RNF38: variants seen among roughly 807,000 people sequenced by gnomAD.
RNF38 encodes ring finger protein 38.
RNF38 carries 15 observed loss-of-function variants against 67.2 expected under a neutral mutation model. The observed-to-expected ratio is 0.22, with a 90% CI of 0.15 to 0.34. RNF38 has a LOEUF of 0.34. Ranked by LOEUF, RNF38 falls within the 10% of genes least tolerant of loss-of-function variation. The pLI, the probability that RNF38 is intolerant of heterozygous loss-of-function variation, is 1.00. For missense variants in RNF38, 524 were observed against 639.9 expected (o/e 0.82, Z 1.95); for synonymous variants, 220 against 218.8 (o/e 1.01, Z -0.05).
At chr9:36,405,706 A>T (rs1221873451), upstream of RNF38, among the ~76,000 whole-genome samples, 2 of 152,024 alleles carry the variant, frequency 1.3e-5, no homozygotes, top group African/African-American at 4.8e-5. Context: ...CTTTATTTCT[A>T]ACTAAGGCAA....
chr9:36,369,847 G>A lies in RNF38; in HGVS notation c.442C>T (p.Pro148Ser). ...TCTATTGCTTGCTGCTGTGCGTAAGGGAGATGGTGATAGTTTTCATCTTGA... is the reference window on the plus strand; with the variant it reads ...TCTATTGCTTGCTGCTGTGCGTAAGAGAGATGGTGATAGTTTTCATCTTGA... Reference protein sequence around the residue: ...ISQDENYHHLPYAQQQAIEEP... With the variant: ...ISQDENYHHLSYAQQQAIEEP... Residue 148 changes from proline to serine, a missense_variant, in exon 4 of 12, where the codon CCT becomes TCT. Physicochemically the swap from Pro to Ser is moderately conservative, Grantham distance 74. Around this residue, in one of 2 missense-constraint regions of RNF38, gnomAD observed 461 missense variants for 517.4 expected, o/e 0.89. Coordinates refer to ENST00000259605, the MANE Select transcript of RNF38 (RefSeq NM_022781.5). 8.7e-6 allele frequency: 14 copies of A among 1,613,894 alleles called. No homozygotes were observed. Among genetic ancestry groups the A allele is most frequent in the Non-Finnish European group, 1.2e-5 (14 of 1,180,024 alleles).
chr9:36,403,447 G>A (rs1011040088), upstream of RNF38, among the ~76,000 whole-genome samples: 9 of 152,162 alleles, frequency 5.9e-5, no homozygotes, highest in Non-Finnish European at 8.8e-5. Flanking sequence ...AAGCCACACA[G>A]GGCTACGGGA....
At chr9:36,480,638 G>A (rs942187217) in intron 1 of RNF38, among the ~76,000 whole-genome samples, 13 of 128,496 alleles carry the variant, frequency 1.0e-4, no homozygotes, top group African/African-American at 3.5e-4. Context: ...TGCAATCTCC[G>A]CCTCCCAGGC....
At chr9:36,399,537 A>AAATATAC (rs1837835785) in intron 1 of RNF38, among the ~76,000 whole-genome samples, 2 of 147,180 alleles carry the variant, frequency 1.4e-5, no homozygotes, top group African/African-American at 5.1e-5. Context: ...TATTATAAAT[A>AAATATAC]TATATTTATA....
At chr9:36,386,623 A>C (rs1426686682) in intron 2 of RNF38, among the ~76,000 whole-genome samples, 1 of 152,152 alleles carries the variant, frequency 6.6e-6, no homozygotes, top group African/African-American at 2.4e-5. Flanking sequence ...ATGAGATAGG[A>C]GGTCAGCACA....
chr9:36,380,586 G>A (rs1343239555), intron 2 of RNF38, among the ~76,000 whole-genome samples: 2 of 152,054 alleles, frequency 1.3e-5, no homozygotes, highest in East Asian at 1.9e-4. Context: ...TCCACATCCC[G>A]GGCTAAAGAG....
At chr9:36,385,090 T>C (rs1587572601) in intron 2 of RNF38, among the ~76,000 whole-genome samples, 1 of 151,928 alleles carries the variant, frequency 6.6e-6, no homozygotes, top group Non-Finnish European at 1.5e-5. Flanking sequence ...TTGAAGCAAA[T>C]TGGAAAAGTG....
chr9:36,456,545 T>C (rs1337716424), intron 1 of RNF38, among the ~76,000 whole-genome samples: 2 of 150,898 alleles, frequency 1.3e-5, no homozygotes, highest in Non-Finnish European at 3.0e-5. Flanking sequence ...TGCTTTCATG[T>C]ATCTCAGGGT....
chr9:36,468,930 G>A (rs1010652210), intron 1 of RNF38, among the ~76,000 whole-genome samples: 12 of 151,316 alleles, frequency 7.9e-5, no homozygotes, highest in East Asian at 2.0e-4. Flanking sequence ...TGACCAATAC[G>A]GTGAAACCCT....
chr9:36,435,855 T>C (rs1021023669), intron 1 of RNF38, among the ~76,000 whole-genome samples: 2 of 152,098 alleles, frequency 1.3e-5, no homozygotes, highest in Non-Finnish European at 2.9e-5. Flanking sequence ...GGTCTCGATA[T>C]CCTGACCTCG....
chr9:36,420,789 C>T (rs919776022), intron 2 of RNF38, among the ~76,000 whole-genome samples: 1 of 152,002 alleles, frequency 6.6e-6, no homozygotes, highest in Non-Finnish European at 1.5e-5. Flanking sequence ...TGGAATATGG[C>T]CCTGTGAACG....
At chr9:36,354,843 T>C (rs1348472992) in intron 6 of RNF38, among the ~76,000 whole-genome samples, 1 of 152,250 alleles carries the variant, frequency 6.6e-6, no homozygotes, top group Non-Finnish European at 1.5e-5. Flanking sequence ...GTTATTCAAA[T>C]ATAAGTAAAT....
intron 1 of RNF38, among the ~76,000 whole-genome samples, chr9:36,431,057 G>C (rs865869874): frequency 1.1e-4 from 16 of 152,152 alleles, no homozygotes; most frequent in Non-Finnish European, 2.1e-4. Flanking sequence ...GATGCCAATT[G>C]CAAGTAGTGG....
chr9:36,413,046 T>G (rs1838366727), intron 2 of RNF38, among the ~76,000 whole-genome samples: 1 of 151,664 alleles, frequency 6.6e-6, no homozygotes, highest in Non-Finnish European at 1.5e-5. Context: ...CACTCTAGCC[T>G]GGACAACAAG....
intron 1 of RNF38, among the ~76,000 whole-genome samples, chr9:36,395,502 G>A (rs931764307): frequency 7.2e-5 from 11 of 152,016 alleles, no homozygotes; most frequent in Admixed American, 6.6e-5. Flanking sequence ...TATAAAAGAC[G>A]AAAACAAAAC....
At chr9:36,347,272 GA>G (rs1411023180) in intron 9 of RNF38, among the ~76,000 whole-genome samples, 7 of 151,942 alleles carry the variant, frequency 4.6e-5, no homozygotes, top group African/African-American at 1.7e-4. Context: ...ATTTGTGACA[GA>G]ATATGTTAAG....
At chr9:36,354,836 A>G (rs773407758) in intron 6 of RNF38, among the ~76,000 whole-genome samples, 8 of 152,236 alleles carry the variant, frequency 5.3e-5, no homozygotes, top group Admixed American at 1.3e-4. Flanking sequence ...GCAACATGTT[A>G]TTCAAATATA....
chr9:36,347,581 A>G (rs1587469107), intron 9 of RNF38, among the ~76,000 whole-genome samples: 1 of 152,318 alleles, frequency 6.6e-6, no homozygotes, highest in East Asian at 1.9e-4. Flanking sequence ...GTACTTGTAT[A>G]AGACAGAAAA....
At chr9:36,391,063 T>C (rs1049115692) in intron 1 of RNF38, among the ~76,000 whole-genome samples, 2 of 152,332 alleles carry the variant, frequency 1.3e-5, no homozygotes, top group Non-Finnish European at 2.9e-5. Flanking sequence ...CAAAGGAAAA[T>C]GACAGATTTA....
Sources: gnomAD v4.1 joint callset for allele counts (sites outside exome capture counted in the v4.1 genomes callset) on GRCh38, gnomAD v4.1.1 for gene constraint, gnomAD v4.1.1 regional missense constraint, MANE v1.5 for transcripts, NCBI Gene and HGNC (gene_info 2026-07-23, HGNC 2026-07-21) for gene names.